Variants in DLG2 observed in about 807,000 individuals in gnomAD.
DLG2 encodes disks large homolog 2.
Under a neutral mutation model 132.5 loss-of-function variants are expected in DLG2, and 45 were observed. That is an observed-to-expected ratio of 0.34 (90% confidence interval 0.27 to 0.44). DLG2 has a LOEUF of 0.44. DLG2 is among the 20% of genes least tolerant of loss of function. DLG2 has a pLI of 1.00. For missense variants in DLG2, 1,045 were observed against 1,196.9 expected, an observed-to-expected ratio of 0.87 and a Z score of 1.87; for synonymous variants, 424 against 419.6, an observed-to-expected ratio of 1.01 and a Z score of -0.13.
intron 9 of DLG2, among the ~76,000 whole-genome samples, chr11:84,151,658 C>G (rs895478675): frequency 6.6e-6 from 1 of 152,152 alleles, no homozygotes; most frequent in Non-Finnish European, 1.5e-5. Context: ...TGAGATCTTT[C>G]TAACTTCTTG....
At position 85,392,669 on chromosome 11, in the gene DLG2, TACTC is replaced by T. The variant is rs369547883; in HGVS notation, c.41-107308_41-107305del. Among the ~76,000 whole-genome samples the T allele has an allele frequency of 1.8e-4, 28 of 152,136 alleles. No individual in the cohort carries two copies. In the East Asian group the frequency reaches 5.0e-3, roughly 27 times the overall value. ...TAGAGAACGCAGAAATAAACTCAAA[TACTC>T]ACAGTCACCTGATCTTCAACAAAGC... On this transcript the variant is annotated intron_variant, in intron 3 of 27. Coordinates refer to ENST00000376104, the MANE Select transcript of DLG2 (RefSeq NM_001142699.3).
chr11:83,898,328 T>C (rs891259931), intron 15 of DLG2, among the ~76,000 whole-genome samples: 1 of 152,092 alleles, frequency 6.6e-6, no homozygotes, highest in Non-Finnish European at 1.5e-5. Flanking sequence ...TAAGTTTCCA[T>C]TACCTCAAGA....
At chr11:83,785,606 A>T (rs909186661) in intron 18 of DLG2, among the ~76,000 whole-genome samples, 2 of 152,256 alleles carry the variant, frequency 1.3e-5, no homozygotes, top group Non-Finnish European at 2.9e-5. Context: ...GCCAGGCACA[A>T]CTGAAAGTAA....
chr11:83,552,063 CAG>C (rs2096404073), intron 19 of DLG2, among the ~76,000 whole-genome samples: 1 of 152,150 alleles, frequency 6.6e-6, no homozygotes, highest in Non-Finnish European at 1.5e-5. Context: ...TGAATAAAAA[CAG>C]ATAAAAATTC....
At chr11:85,400,266 A>G (rs1182134939) in intron 3 of DLG2, among the ~76,000 whole-genome samples, 1 of 150,380 alleles carries the variant, frequency 6.6e-6, no homozygotes, top group Non-Finnish European at 1.5e-5. Flanking sequence ...GGCTATCATT[A>G]AAAAGTCAGG....
intron 19 of DLG2, among the ~76,000 whole-genome samples, chr11:83,558,303 A>G (rs2096553236): frequency 6.6e-6 from 1 of 152,192 alleles, no homozygotes; most frequent in Admixed American, 6.5e-5. Context: ...TAAAACTGTC[A>G]GAAATTTAAA....
At chr11:83,670,499 C>G (rs2076653677) in intron 18 of DLG2, among the ~76,000 whole-genome samples, 1 of 151,990 alleles carries the variant, frequency 6.6e-6, no homozygotes, top group Non-Finnish European at 1.5e-5. Context: ...AATTTTATCT[C>G]TACCACAGAA....
intron 15 of DLG2, among the ~76,000 whole-genome samples, chr11:83,919,481 C>G (rs925704956): frequency 6.6e-6 from 1 of 152,142 alleles, no homozygotes. Flanking sequence ...AAAATTCATA[C>G]ATATTTGAAA....
At chr11:84,801,825 C>T (rs958833663) in intron 6 of DLG2, among the ~76,000 whole-genome samples, 5 of 152,156 alleles carry the variant, frequency 3.3e-5, no homozygotes, top group South Asian at 2.1e-4. Context: ...AAAACTACTA[C>T]ATTGAACATC....
chr11:83,688,419 C>T (rs1367097495), intron 18 of DLG2, among the ~76,000 whole-genome samples: 2 of 152,088 alleles, frequency 1.3e-5, no homozygotes. Context: ...AATGCTAGTT[C>T]CCTTCAAAGA....
chr11:84,811,124 G>A (rs553250004), intron 6 of DLG2, among the ~76,000 whole-genome samples: 2 of 152,272 alleles, frequency 1.3e-5, no homozygotes, highest in African/African-American at 4.8e-5. Context: ...GCATGTGAAT[G>A]TATAGGTATC....
chr11:84,662,786 C>CAAAAA (rs752017709), intron 6 of DLG2, among the ~76,000 whole-genome samples: 13,770 of 80,016 alleles, frequency 0.17, 1,097 homozygotes, highest in South Asian at 0.25. Flanking sequence ...GACTCTGTCA[C>CAAAAA]AAAAAAAAAA....
chr11:83,601,513 T>TTTTTTTTG (rs2058550460), intron 19 of DLG2, among the ~76,000 whole-genome samples: 1 of 116,454 alleles, frequency 8.6e-6, no homozygotes, highest in South Asian at 2.9e-4. Context: ...TGATGTTCTT[T>TTTTTTTTG]TTTTTTTTTT....
At chr11:83,584,208 G>A (rs138063661) in intron 19 of DLG2, among the ~76,000 whole-genome samples, 2 of 152,284 alleles carry the variant, frequency 1.3e-5, no homozygotes, top group Non-Finnish European at 2.9e-5. Flanking sequence ...AAGGGTCTAT[G>A]GTGGAAGACA....
intron 3 of DLG2, among the ~76,000 whole-genome samples, chr11:85,533,262 G>A (rs940802076): frequency 1.1e-4 from 17 of 151,810 alleles, no homozygotes; most frequent in Non-Finnish European, 5.9e-5. Flanking sequence ...GGCCTCAATC[G>A]ATCCACCCAC....
At chr11:84,644,800 G>C (rs1314196195) in intron 6 of DLG2, among the ~76,000 whole-genome samples, 1 of 151,952 alleles carries the variant, frequency 6.6e-6, no homozygotes, top group South Asian at 2.1e-4. Context: ...AATAATTCCT[G>C]TATGTAGAAA....
intron 6 of DLG2, among the ~76,000 whole-genome samples, chr11:84,964,590 T>A: frequency 6.6e-6 from 1 of 152,106 alleles, no homozygotes; most frequent in East Asian, 1.9e-4. Flanking sequence ...CAAGACAACA[T>A]CCCTCTGCCG....
chr11:84,125,363 T>C (rs553126530), intron 9 of DLG2, among the ~76,000 whole-genome samples: 13 of 152,304 alleles, frequency 8.5e-5, no homozygotes, highest in Admixed American at 2.0e-4. Flanking sequence ...GAAGTTGCCA[T>C]GTACTTCCGA....
intron 4 of DLG2, among the ~76,000 whole-genome samples, chr11:85,217,313 C>T (rs1341635435): frequency 1.6e-5 from 1 of 61,566 alleles, no homozygotes; most frequent in African/African-American, 6.0e-5. Flanking sequence ...GATTCTCTCT[C>T]TCTCTCACAC....
Sources: gnomAD v4.1 joint callset for allele counts (sites outside exome capture counted in the v4.1 genomes callset) on GRCh38, gnomAD v4.1.1 for gene constraint, MANE v1.5 for transcripts, NCBI Gene and HGNC (gene_info 2026-07-23, HGNC 2026-07-21) for gene names.